SGTB: variants seen among roughly 807,000 people sequenced by gnomAD.
The protein encoded by SGTB is small glutamine-rich tetratricopeptide repeat-containing protein beta.
In SGTB, 19 loss-of-function variants were observed where a neutral mutation model predicts 43.9. The observed-to-expected ratio is 0.43, with a 90% CI of 0.30 to 0.63. The LOEUF (loss-of-function observed/expected upper bound fraction) is 0.63, where lower values mean the gene tolerates loss of function less well. SGTB is among the 30% of genes least tolerant of loss of function. The pLI is 0.12. For missense variants in SGTB, 304 were observed against 358.9 expected, an observed-to-expected ratio of 0.85 and a Z score of 1.24; for synonymous variants, 116 against 117.3, an observed-to-expected ratio of 0.99 and a Z score of 0.07.
At chr5:65,712,825 C>A in intron 3 of SGTB, 136 bp downstream of exon 3, 2 of 520,796 alleles carry the variant, frequency 3.8e-6, no homozygotes, top group Non-Finnish European at 6.6e-6. Context: ...CCAATTATAT[C>A]CATATAGACA....
At chr5:65,698,511 T>C (rs1014888736) in intron 5 of SGTB, among the ~76,000 whole-genome samples, 1 of 152,120 alleles carries the variant, frequency 6.6e-6, no homozygotes, top group Non-Finnish European at 1.5e-5. Flanking sequence ...CCACAGAGTC[T>C]GGAACCATCA....
chr5:65,675,118 AAC>A (rs2150703456), intron 8 of SGTB, among the ~76,000 whole-genome samples: 1 of 152,364 alleles, frequency 6.6e-6, no homozygotes, highest in Admixed American at 6.5e-5. Context: ...ATGCCCTGGT[AAC>A]ATCCTAAACC....
chr5:65,704,282 T>C lies in SGTB; in HGVS notation c.371A>G (p.Asn124Ser). 5.6e-6 allele frequency: 9 copies of C among 1,597,886 alleles called. No individual in the cohort carries two copies. The highest frequency in any genetic ancestry group is 4.5e-5 in the East Asian group (2 of 44,006). The change falls in exon 5 of 11, where the codon AAC becomes AGC. Residue 124 changes from asparagine to serine, a missense_variant. By Grantham distance (46) the Asn-to-Ser change is conservative (BLOSUM62 1). Coordinates refer to ENST00000381007, the MANE Select transcript of SGTB (RefSeq NM_019072.3). ...TGCCACAATAGTGCTAGTTTACCTGTTGCAATAGTAAACTGCATTATTGGG... is the reference window on the plus strand; with the variant it reads ...TGCCACAATAGTGCTAGTTTACCTGCTGCAATAGTAAACTGCATTATTGGG... The part of the protein sequence containing the change: ...LDPNNAVYYC[N>S]RAAAQSKLGH...
intron 1 of SGTB, 72 bp downstream of exon 1, chr5:65,721,845 G>C (rs533862157): frequency 6.6e-6 from 1 of 152,450 alleles, no homozygotes; most frequent in South Asian, 2.1e-4. Flanking sequence ...TGCCCGGTGT[G>C]CAGCGGGTGC....
Position 65,714,029 on chromosome 5 carries a change from G to A in SGTB, c.101-965C>T, listed in dbSNP as rs892843120. 3.3e-5 allele frequency among the ~76,000 whole-genome samples: 5 copies of A among 151,960 alleles called. No homozygotes were observed. The East Asian group carries it at 5.8e-4, about 18-fold the overall frequency. ...AGATCTCACTACTGCACTCCAGTAC[G>A]GGTTGAGACCCCATCTCGAAAAAAC... On this transcript the variant is annotated intron_variant, in intron 2 of 10. Coordinates refer to ENST00000381007, the MANE Select transcript of SGTB (RefSeq NM_019072.3).
chr5:65,691,650 G>C (rs1345604955), intron 5 of SGTB, among the ~76,000 whole-genome samples: 2 of 146,568 alleles, frequency 1.4e-5, no homozygotes, highest in Non-Finnish European at 3.0e-5. Context: ...CTTTAAAAAT[G>C]AAGTTACAGG....
intron 4 of SGTB, among the ~76,000 whole-genome samples, chr5:65,707,712 T>A (rs1235543849): frequency 6.6e-6 from 1 of 152,086 alleles, no homozygotes; most frequent in Non-Finnish European, 1.5e-5. Context: ...GGATTACAGG[T>A]GTAGACCACC....
chr5:65,668,437 C>T lies in SGTB; in HGVS notation c.*1809G>A, dbSNP rs916438295. On this transcript the variant is annotated 3_prime_UTR_variant, in exon 11 of 11. Transcript: ENST00000381007. Reference sequence around the variant, plus strand: ...CCAGCCTGGCCGATACGGTGGAACTCTCTCCATTAAAAACAAAAATTAGCG... The same window carrying T: ...CCAGCCTGGCCGATACGGTGGAACTTTCTCCATTAAAAACAAAAATTAGCG... 6.6e-6 allele frequency: 1 copy of T among 151,932 alleles called. No homozygotes were observed. The highest frequency in any genetic ancestry group is 2.1e-4 in the South Asian group (1 of 4,806). The allele number at this position is 151,932 out of a possible 1,614,324, so 9.4% of individuals were successfully genotyped here.
chr5:65,706,860 TA>T (rs1757942864), intron 4 of SGTB, among the ~76,000 whole-genome samples: 1 of 151,732 alleles, frequency 6.6e-6, no homozygotes, highest in South Asian at 2.1e-4. Flanking sequence ...CAAAAATAAA[TA>T]TTGACAAAAA....
At chr5:65,689,477 T>A (rs1259264312) in intron 5 of SGTB, among the ~76,000 whole-genome samples, 2 of 152,204 alleles carry the variant, frequency 1.3e-5, no homozygotes, top group Non-Finnish European at 2.9e-5. Flanking sequence ...CCTGCCCTCA[T>A]AATTATAAAC....
Position 65,677,380 on chromosome 5 carries a change from C to T in SGTB, c.681+3114G>A, listed in dbSNP as rs1415816266. ...AAAAAAAAAAAAGCCCAGGACCAGA[C>T]GAATTCACAGCTGAATTCTACCAGA... On this transcript the variant is annotated intron_variant, in intron 8 of 10. Transcript: ENST00000381007. Among the ~76,000 whole-genome samples, 20 of 148,806 alleles carry T rather than the reference C, an allele frequency of 1.3e-4. No individual in the cohort carries two copies. The East Asian group carries it at 3.4e-3, about 25-fold the overall frequency.
At chr5:65,709,152 G>T (rs1757995583) in intron 3 of SGTB, among the ~76,000 whole-genome samples, 1 of 152,062 alleles carries the variant, frequency 6.6e-6, no homozygotes, top group Non-Finnish European at 1.5e-5. Flanking sequence ...AGTATGTAAA[G>T]AATAGGAATA....
chr5:65,685,655 G>A (rs1198043906), intron 5 of SGTB, among the ~76,000 whole-genome samples, 183 bp from the exon 6 acceptor site: 1 of 151,798 alleles, frequency 6.6e-6, no homozygotes, highest in Non-Finnish European at 1.5e-5. Flanking sequence ...AGAAACTTCT[G>A]TGCAGAAAAA....
At position 65,712,747 on chromosome 5, in the gene SGTB, G is replaced by C. The variant is rs2068810; in HGVS notation, c.204+214C>G. ...TAATACATACCATTAAATATAAAAG[G>C]TGAGAGGATGAAAATAGTTATCAAT... On this transcript the variant is annotated intron_variant, in intron 3 of 10. Coordinates refer to ENST00000381007, the MANE Select transcript of SGTB (RefSeq NM_019072.3). Among the ~76,000 whole-genome samples the C allele has an allele frequency of 7.2e-3, 1,097 of 152,152 alleles. 11 individuals carry two copies. Among genetic ancestry groups the C allele is most frequent in the African/African-American group, 0.025 (1,049 of 41,500 alleles).
intron 6 of SGTB, among the ~76,000 whole-genome samples, chr5:65,681,457 T>C (rs1234547660): frequency 6.6e-6 from 1 of 152,182 alleles, no homozygotes; most frequent in East Asian, 1.9e-4. Flanking sequence ...ACTGTATATA[T>C]GGTGACATAG....
intron 6 of SGTB, among the ~76,000 whole-genome samples, chr5:65,684,498 A>C (rs1479062128): frequency 6.6e-6 from 1 of 152,102 alleles, no homozygotes; most frequent in Admixed American, 6.5e-5. Flanking sequence ...AGTTGTGGAG[A>C]AGGTACAAGG....
chr5:65,675,004 T>G (rs1397208894), intron 8 of SGTB, among the ~76,000 whole-genome samples: 1 of 152,184 alleles, frequency 6.6e-6, no homozygotes, highest in East Asian at 1.9e-4. Flanking sequence ...ACACATTTTT[T>G]GAAGGAAACA....
At chr5:65,702,851 T>C (rs1757850144) in intron 5 of SGTB, among the ~76,000 whole-genome samples, 1 of 152,226 alleles carries the variant, frequency 6.6e-6, no homozygotes, top group African/African-American at 2.4e-5. Flanking sequence ...ACCTCACCAG[T>C]ATTTAAATAT....
upstream of SGTB, chr5:65,722,505 C>T: frequency 8.5e-7 from 1 of 1,172,672 alleles, no homozygotes; most frequent in Non-Finnish European, 1.2e-6. Context: ...CCCTTCCCGA[C>T]CGCGCCTCTC....
Sources: gnomAD v4.1 joint callset for allele counts (sites outside exome capture counted in the v4.1 genomes callset) on GRCh38, gnomAD v4.1.1 for gene constraint, MANE v1.5 for transcripts, NCBI Gene and HGNC (gene_info 2026-07-23, HGNC 2026-07-21) for gene names.